The following MACROD2 variants were observed in gnomAD, a reference collection of about 807,000 sequenced individuals.
The protein encoded by MACROD2 is mono-ADP ribosylhydrolase 2.
Under a neutral mutation model 70.4 loss-of-function variants are expected in MACROD2, and 36 were observed. The observed-to-expected ratio is 0.51, with a 90% CI of 0.39 to 0.68. The LOEUF is 0.68. Among genes scored for constraint, MACROD2 ranks in the 30% least tolerant of loss-of-function variants. The pLI, the probability that MACROD2 is intolerant of heterozygous loss-of-function variation, is 0.00. For synonymous variants in MACROD2, 172 were observed against 178.8 expected (o/e 0.96, Z 0.30); for missense variants, 496 against 538.4 (o/e 0.92, Z 0.78).
chr20:15,881,521 C>A (rs2064754186), intron 9 of MACROD2, among the ~76,000 whole-genome samples: 1 of 152,104 alleles, frequency 6.6e-6, no homozygotes, highest in African/African-American at 2.4e-5. Flanking sequence ...ATGCAAAAGT[C>A]TGAAAAACAT....
At chr20:15,411,711 G>C (rs772135148) in intron 6 of MACROD2, among the ~76,000 whole-genome samples, 2 of 152,188 alleles carry the variant, frequency 1.3e-5, no homozygotes, top group Non-Finnish European at 2.9e-5. Context: ...TTGAGTTTTA[G>C]ACTCTGTATG....
At chr20:14,038,242 C>A (rs998811042) in intron 2 of MACROD2, among the ~76,000 whole-genome samples, 2 of 150,998 alleles carry the variant, frequency 1.3e-5, no homozygotes, top group South Asian at 4.2e-4. Flanking sequence ...TGCAGTGAGC[C>A]GAGATCGTGC....
intron 8 of MACROD2, among the ~76,000 whole-genome samples, chr20:15,820,863 G>A (rs2063931214): frequency 6.6e-6 from 1 of 152,152 alleles, no homozygotes; most frequent in South Asian, 2.1e-4. Flanking sequence ...AAATAAAAGA[G>A]TCTCTCAGTT....
chr20:14,512,570 C>T (rs941462571), intron 4 of MACROD2, among the ~76,000 whole-genome samples: 4 of 152,174 alleles, frequency 2.6e-5, no homozygotes, highest in South Asian at 4.1e-4. Context: ...GACCTCGCTG[C>T]CCAGAAGATA....
intron 8 of MACROD2, among the ~76,000 whole-genome samples, chr20:15,656,400 G>A (rs986277742): frequency 5.9e-5 from 9 of 152,198 alleles, no homozygotes; most frequent in Non-Finnish European, 4.4e-5. Context: ...TAATAGGAAT[G>A]GCTATCTTTC....
At chr20:15,651,938 C>T (rs1211832820) in intron 8 of MACROD2, among the ~76,000 whole-genome samples, 1 of 152,098 alleles carries the variant, frequency 6.6e-6, no homozygotes, top group African/African-American at 2.4e-5. Context: ...GAAACAGAGC[C>T]TAAATAAACC....
chr20:15,307,163 A>G (rs946357972), intron 6 of MACROD2, among the ~76,000 whole-genome samples: 3 of 152,154 alleles, frequency 2.0e-5, no homozygotes, highest in South Asian at 2.1e-4. Flanking sequence ...TATTCAAGCT[A>G]TATCAAAGCT....
At chr20:15,751,462 T>C (rs17704514) in intron 8 of MACROD2, among the ~76,000 whole-genome samples, 3 of 152,068 alleles carry the variant, frequency 2.0e-5, no homozygotes, top group African/African-American at 7.2e-5. Flanking sequence ...ATTAATCAGT[T>C]GTTCATTGAA....
chr20:15,239,656 G>A (rs1487468884), intron 6 of MACROD2, among the ~76,000 whole-genome samples: 1 of 152,104 alleles, frequency 6.6e-6, no homozygotes, highest in East Asian at 1.9e-4. Flanking sequence ...CCTGCTCCCA[G>A]TATACTAGCA....
intron 5 of MACROD2, among the ~76,000 whole-genome samples, chr20:15,186,142 G>A (rs925495078): frequency 1.3e-5 from 2 of 152,064 alleles, no homozygotes; most frequent in African/African-American, 2.4e-5. Context: ...CCTGAACTTT[G>A]TCTATTTAGT....
chr20:15,307,102 C>T (rs1184878398), intron 6 of MACROD2, among the ~76,000 whole-genome samples: 2 of 152,120 alleles, frequency 1.3e-5, no homozygotes, highest in Non-Finnish European at 2.9e-5. Flanking sequence ...CCCACTAGGC[C>T]CCCACTCCAA....
At chr20:15,206,637 T>G (rs1452890898) in intron 5 of MACROD2, among the ~76,000 whole-genome samples, 1 of 151,692 alleles carries the variant, frequency 6.6e-6, no homozygotes, top group East Asian at 1.9e-4. Flanking sequence ...AATTATTTTT[T>G]TCTTTTCTTA....
chr20:15,827,282 T>G (rs2064007378), intron 8 of MACROD2, among the ~76,000 whole-genome samples: 1 of 152,184 alleles, frequency 6.6e-6, no homozygotes, highest in South Asian at 2.1e-4. Flanking sequence ...AGAGGAGACT[T>G]TGGATCATTT....
intron 8 of MACROD2, among the ~76,000 whole-genome samples, chr20:15,786,690 T>TG (rs1483564090): frequency 1.3e-5 from 2 of 152,248 alleles, no homozygotes; most frequent in Non-Finnish European, 2.9e-5. Context: ...CACAAGGCTG[T>TG]GAAGTTCAGC....
intron 8 of MACROD2, among the ~76,000 whole-genome samples, chr20:15,791,398 A>G (rs1447050876): frequency 6.6e-6 from 1 of 151,914 alleles, no homozygotes; most frequent in Non-Finnish European, 1.5e-5. Context: ...AAAAAAAACC[A>G]TGTGTCACTA....
intron 3 of MACROD2, among the ~76,000 whole-genome samples, chr20:14,243,008 CT>C (rs749864203): frequency 6.6e-6 from 1 of 152,178 alleles, no homozygotes; most frequent in Non-Finnish European, 1.5e-5. Context: ...ACTGAAGAAA[CT>C]ATTCATGTCC....
At chr20:15,912,096 G>A (rs2065246355) in intron 10 of MACROD2, among the ~76,000 whole-genome samples, 1 of 152,202 alleles carries the variant, frequency 6.6e-6, no homozygotes, top group East Asian at 1.9e-4. Context: ...TTGACAGTGG[G>A]TCAAAGGAAT....
intron 5 of MACROD2, among the ~76,000 whole-genome samples, chr20:14,792,279 G>T (rs751958280): frequency 4.6e-5 from 7 of 151,948 alleles, no homozygotes; most frequent in African/African-American, 4.8e-5. Flanking sequence ...ATTGTTCTGT[G>T]TTACTTGTGG....
At position 14,711,434 on chromosome 20, in the gene MACROD2, T is replaced by G. The variant is rs1237228630; in HGVS notation, c.418+26475T>G. On this transcript the variant is annotated intron_variant, in intron 5 of 17. Transcript: ENST00000684519. ...GTTTTCCGAAGGCAAGGTGTAGAAA[T>G]TTTTAGTGTTGTTTAAGCAACCCAT... Among the ~76,000 whole-genome samples the G allele has an allele frequency of 2.6e-5, 4 of 152,158 alleles. No individual in the cohort carries two copies. The East Asian group carries it at 7.7e-4, about 29-fold the overall frequency.
Sources: allele counts gnomAD v4.1 joint callset (sites outside exome capture counted in the v4.1 genomes callset), GRCh38; gene constraint gnomAD v4.1.1; transcripts MANE v1.5; gene names NCBI Gene and HGNC (gene_info 2026-07-23, HGNC 2026-07-21).